PLEKHA2: variants seen among roughly 807,000 people sequenced by gnomAD.
PLEKHA2 encodes pleckstrin homology domain containing A2.
A neutral mutation model predicts 53.2 loss-of-function variants in PLEKHA2; 28 were observed. The ratio of observed to expected loss-of-function variants is 0.53; its 90% confidence interval spans 0.39 to 0.72. The LOEUF (loss-of-function observed/expected upper bound fraction) is 0.72. Among genes scored for constraint, PLEKHA2 ranks in the 30% least tolerant of loss-of-function variants. PLEKHA2 has a pLI of 0.00. For missense variants in PLEKHA2, 426 were observed against 537.9 expected, an observed-to-expected ratio of 0.79 and a Z score of 2.06; for synonymous variants, 193 against 196.4, an observed-to-expected ratio of 0.98 and a Z score of 0.14.
chr8:38,928,549 C>G (rs4556061), intron 2 of PLEKHA2, among the ~76,000 whole-genome samples: 1 of 151,686 alleles, frequency 6.6e-6, no homozygotes, highest in Admixed American at 6.6e-5. Flanking sequence ...GCGCCCGGCC[C>G]GACCTGGTCT....
At chr8:38,926,486 C>T (rs1477416201) in intron 2 of PLEKHA2, among the ~76,000 whole-genome samples, 1 of 150,496 alleles carries the variant, frequency 6.6e-6, no homozygotes, top group East Asian at 2.0e-4. Context: ...CTGGTCAAAA[C>T]ATGCTTAGAA....
intron 11 of PLEKHA2, 192 bp downstream of exon 11, chr8:38,968,861 A>T: frequency 1.7e-5 from 9 of 531,164 alleles, no homozygotes; most frequent in African/African-American, 3.9e-5. Flanking sequence ...TGGTTGTGGG[A>T]GGAGGTGAGG....
chr8:38,932,497 G>A (rs546868949), intron 2 of PLEKHA2, among the ~76,000 whole-genome samples: 1 of 152,240 alleles, frequency 6.6e-6, no homozygotes, highest in African/African-American at 2.4e-5. Flanking sequence ...GACAGCTTGG[G>A]TGGGCTCCCC....
In PLEKHA2 at chr8:38,958,408, T is replaced by C. The variant is rs537482859; in HGVS notation, c.837+1022T>C. On this transcript the variant is annotated intron_variant, in intron 10 of 11. Transcript: ENST00000617275. ...AAGGTGTGGTTTCCCAACTAAAGCT[T>C]TTCAAGCTCCCGCTGCCCTTTCTTC... Among the ~76,000 whole-genome samples the C allele has an allele frequency of 2.0e-5, 3 of 152,224 alleles. No homozygotes were observed. In the South Asian group the frequency reaches 6.2e-4, roughly 32 times the overall value.
intron 3 of PLEKHA2, among the ~76,000 whole-genome samples, 158 bp downstream of exon 3, chr8:38,936,208 T>G (rs999468647): frequency 5.9e-5 from 9 of 152,198 alleles, no homozygotes; most frequent in African/African-American, 2.2e-4. Flanking sequence ...GAGGCTTAGC[T>G]GCTAATGGGT....
At chr8:38,934,710 T>C (rs1834460036) in intron 2 of PLEKHA2, among the ~76,000 whole-genome samples, 1 of 152,214 alleles carries the variant, frequency 6.6e-6, no homozygotes, top group Admixed American at 6.5e-5. Flanking sequence ...ACCTGGTGCC[T>C]GTGAGTCTCC....
chr8:38,939,135 C>T (rs1194906508), intron 3 of PLEKHA2, among the ~76,000 whole-genome samples: 3 of 152,102 alleles, frequency 2.0e-5, no homozygotes, highest in African/African-American at 7.2e-5. Context: ...AACTCCTGAC[C>T]TCAGGTGATC....
intron 2 of PLEKHA2, among the ~76,000 whole-genome samples, chr8:38,918,965 G>A (rs1418334285): frequency 1.3e-5 from 2 of 152,232 alleles, no homozygotes; most frequent in African/African-American, 4.8e-5. Flanking sequence ...GGCATGGCTT[G>A]CTTCCTGTTA....
intron 10 of PLEKHA2, among the ~76,000 whole-genome samples, chr8:38,961,891 AGTC>A (rs141362909): frequency 7.2e-4 from 110 of 152,362 alleles, no homozygotes; most frequent in African/African-American, 2.5e-3. Flanking sequence ...ACACTGTAGT[AGTC>A]TTTTCTGTTA....
chr8:38,967,824 G>A (rs1564161994), intron 10 of PLEKHA2, among the ~76,000 whole-genome samples: 1 of 151,924 alleles, frequency 6.6e-6, no homozygotes, highest in Non-Finnish European at 1.5e-5. Context: ...ACCACTCCTG[G>A]CTAATTTTTT....
chr8:38,962,192 G>A (rs1588277609), intron 10 of PLEKHA2, among the ~76,000 whole-genome samples: 1 of 152,094 alleles, frequency 6.6e-6, no homozygotes, highest in Non-Finnish European at 1.5e-5. Flanking sequence ...GGTTGTTTGC[G>A]AGCAGCCTGG....
intron 5 of PLEKHA2, among the ~76,000 whole-genome samples, chr8:38,949,269 A>G (rs1834779206): frequency 6.6e-6 from 1 of 150,704 alleles, no homozygotes; most frequent in Non-Finnish European, 1.5e-5. Context: ...TTTCCTCAGC[A>G]TTTGCAGACT....
At chr8:38,955,441 C>T (rs1008094395) in intron 9 of PLEKHA2, among the ~76,000 whole-genome samples, 1 of 152,262 alleles carries the variant, frequency 6.6e-6, no homozygotes, top group Non-Finnish European at 1.5e-5. Context: ...TACATTATGC[C>T]GGATGCCTTC....
intron 1 of PLEKHA2, among the ~76,000 whole-genome samples, chr8:38,913,692 C>T (rs1833988859): frequency 6.6e-6 from 1 of 152,230 alleles, no homozygotes; most frequent in Non-Finnish European, 1.5e-5. Context: ...TCTGGTGGGA[C>T]TCTTGTTCCT....
intron 8 of PLEKHA2, 69 bp downstream of exon 8, chr8:38,952,773 A>C: frequency 6.8e-7 from 1 of 1,479,250 alleles, no homozygotes; most frequent in Non-Finnish European, 9.3e-7. Flanking sequence ...GCACACCCAC[A>C]GGAGAGCGTG....
In PLEKHA2 at chr8:38,947,560, C is replaced by G. The variant is rs145013073; in HGVS notation, c.345+1339C>G. ...ATCACTTGAGCCCAGAAGTTTGAGG[C>G]TGCAGGGAGTTATGATCGCACCACT... On this transcript the variant is annotated intron_variant, in intron 5 of 11. Coordinates refer to ENST00000617275, the MANE Select transcript of PLEKHA2 (RefSeq NM_021623.2). Among the ~76,000 whole-genome samples the G allele has an allele frequency of 6.1e-3, 927 of 151,154 alleles. 11 individuals carry two copies. Among genetic ancestry groups the G allele is most frequent in the African/African-American group, 0.022 (891 of 41,138 alleles).
At chr8:38,955,361 A>AT (rs1004106442) in intron 9 of PLEKHA2, among the ~76,000 whole-genome samples, 4 of 152,212 alleles carry the variant, frequency 2.6e-5, no homozygotes, top group African/African-American at 7.2e-5. Context: ...AGAAAGAGGC[A>AT]TTTTTTATTC....
At chr8:38,953,451 T>A in intron 9 of PLEKHA2, 84 bp downstream of exon 9, 1 of 1,271,872 alleles carries the variant, frequency 7.9e-7, no homozygotes, top group Non-Finnish European at 1.1e-6. Context: ...AGAGACTCTA[T>A]GCAAGAGTCA....
intron 2 of PLEKHA2, among the ~76,000 whole-genome samples, chr8:38,920,659 C>T (rs1309541951): frequency 2.0e-5 from 3 of 151,086 alleles, no homozygotes; most frequent in African/African-American, 7.3e-5. Context: ...CTCCTGGGCT[C>T]AAGTGATCCT....
Sources: gnomAD v4.1 joint callset for allele counts (sites outside exome capture counted in the v4.1 genomes callset) on GRCh38, gnomAD v4.1.1 for gene constraint, MANE v1.5 for transcripts, NCBI Gene and HGNC (gene_info 2026-07-23, HGNC 2026-07-21) for gene names.